The following DPP10 variants were observed in gnomAD, a reference collection of about 807,000 sequenced individuals.
DPP10 encodes the protein inactive dipeptidyl peptidase 10.
A neutral mutation model predicts 120.9 loss-of-function variants in DPP10; 33 were observed. The ratio of observed to expected loss-of-function variants is 0.27; its 90% CI spans 0.21 to 0.37. The LOEUF (loss-of-function observed/expected upper bound fraction) is 0.37. Ranked by LOEUF, DPP10 falls within the 10% of genes least tolerant of loss-of-function variation. The pLI, the probability that DPP10 is intolerant of heterozygous loss-of-function variation, is 1.00. For synonymous variants in DPP10, 337 were observed against 326.1 expected, an observed-to-expected ratio of 1.03 and a Z score of -0.36; for missense variants, 816 against 942.8, an observed-to-expected ratio of 0.87 and a Z score of 1.76.
In DPP10 at chr2:115,209,403, CACAA is replaced by C. The variant is rs551870679; in HGVS notation, c.61-99832_61-99829del. On this transcript the variant is annotated intron_variant, in intron 1 of 25. Coordinates refer to ENST00000410059, the MANE Select transcript of DPP10 (RefSeq NM_020868.6). ...TGGACATTTTTAATATATGTACACT[CACAA>C]ACATATATATGCACAAACATACATA... 1.2e-3 allele frequency among the ~76,000 whole-genome samples: 190 copies of C among 152,182 alleles called. 1 individual carries two copies. The highest frequency in any genetic ancestry group is 4.4e-3 in the African/African-American group (181 of 41,534).
chr2:115,755,196 A>G (rs1416252056), intron 11 of DPP10, among the ~76,000 whole-genome samples: 1 of 152,114 alleles, frequency 6.6e-6, no homozygotes, highest in African/African-American at 2.4e-5. Context: ...TTTATACAAT[A>G]ACAAAGTTAT....
intron 4 of DPP10, among the ~76,000 whole-genome samples, chr2:115,508,642 C>T (rs909253143): frequency 2.0e-5 from 3 of 152,288 alleles, no homozygotes; most frequent in Admixed American, 6.5e-5. Flanking sequence ...CAATGGCTCA[C>T]GCCTGTAATC....
At chr2:115,801,904 AGT>A (rs1480736220) in intron 19 of DPP10, among the ~76,000 whole-genome samples, 1 of 151,790 alleles carries the variant, frequency 6.6e-6, no homozygotes, top group Non-Finnish European at 1.5e-5. Flanking sequence ...CTTTTTTTGT[AGT>A]GTCTCTGCTC....
At chr2:115,802,409 GT>G (rs997632148) in intron 19 of DPP10, among the ~76,000 whole-genome samples, 4 of 152,028 alleles carry the variant, frequency 2.6e-5, no homozygotes, top group African/African-American at 7.2e-5. Flanking sequence ...TTTTTGAAGG[GT>G]TTTTTGTGTC....
intron 2 of DPP10, among the ~76,000 whole-genome samples, chr2:115,336,861 TGTGA>T (rs2063171855): frequency 6.6e-6 from 1 of 151,928 alleles, no homozygotes; most frequent in Non-Finnish European, 1.5e-5. Context: ...CGTTGTTCAG[TGTGA>T]GTGATTGAGA....
At chr2:114,904,609 C>T (rs1459394829) in intron 1 of DPP10, among the ~76,000 whole-genome samples, 3 of 152,096 alleles carry the variant, frequency 2.0e-5, no homozygotes, top group Non-Finnish European at 4.4e-5. Flanking sequence ...GAGGACAACA[C>T]CAATGGTGTG....
intron 24 of DPP10, among the ~76,000 whole-genome samples, chr2:115,837,917 G>A (rs1689701968): frequency 6.6e-6 from 1 of 151,798 alleles, no homozygotes; most frequent in Admixed American, 6.6e-5. Context: ...TATAATGTGG[G>A]ATTCTGAATG....
At chr2:114,812,993 T>G (rs1268198030) in intron 1 of DPP10, among the ~76,000 whole-genome samples, 1 of 152,234 alleles carries the variant, frequency 6.6e-6, no homozygotes, top group Non-Finnish European at 1.5e-5. Context: ...ATTACGTACA[T>G]GCATCACGTA....
rs751696392 is a variant in DPP10, at chr2:115,499,480, T to C, written c.272-30T>C. The C allele has an allele frequency of 3.9e-6, 6 of 1,555,720 alleles. No homozygotes were observed. The South Asian group carries it at 5.7e-5, about 15-fold the overall frequency. ...TACTATATTATCTAGTCAATGTATTTGTCAATTGTGAATGTCTTTGTTGTT... is the reference window on the plus strand; with the variant it reads ...TACTATATTATCTAGTCAATGTATTCGTCAATTGTGAATGTCTTTGTTGTT... On this transcript the variant is annotated intron_variant, in intron 3 of 25. Coordinates refer to ENST00000410059, the MANE Select transcript of DPP10 (RefSeq NM_020868.6).
chr2:115,154,054 G>A (rs925849878), intron 1 of DPP10, among the ~76,000 whole-genome samples: 4 of 152,148 alleles, frequency 2.6e-5, no homozygotes, highest in Non-Finnish European at 5.9e-5. Flanking sequence ...ACTATCTTCT[G>A]AGATTGAGCA....
At chr2:114,937,171 A>C (rs1011556729) in intron 1 of DPP10, among the ~76,000 whole-genome samples, 33 of 152,138 alleles carry the variant, frequency 2.2e-4, no homozygotes, top group African/African-American at 7.7e-4. Context: ...TGCCTAAGCC[A>C]ATGTCTAGAA....
In DPP10 at chr2:114,625,396, T is replaced by C. The variant is rs975446821; in HGVS notation, c.60+182558T>C. ...ACTTCACAGGCTTTGCTGTGTATGT[T>C]TATCAGGAGGCACACTATGTTATTT... On this transcript the variant is annotated intron_variant, in intron 1 of 25. Transcript: ENST00000410059. Among the ~76,000 whole-genome samples the C allele has an allele frequency of 7.9e-5, 12 of 151,858 alleles. No homozygotes were observed. In the East Asian group the frequency reaches 2.3e-3, roughly 29 times the overall value.
At chr2:114,970,118 G>A (rs1021033794) in intron 1 of DPP10, among the ~76,000 whole-genome samples, 65 of 152,182 alleles carry the variant, frequency 4.3e-4, no homozygotes, top group African/African-American at 1.5e-3. Context: ...CTTGGACAGC[G>A]ATCAAGGCAG....
At chr2:115,805,574 C>CTTTT (rs1559178533) in intron 19 of DPP10, among the ~76,000 whole-genome samples, 39 of 145,988 alleles carry the variant, frequency 2.7e-4, no homozygotes, top group African/African-American at 9.8e-4. Flanking sequence ...TCTTGGCTCC[C>CTTTT]ATTTTTTTTT....
intron 1 of DPP10, among the ~76,000 whole-genome samples, chr2:115,101,733 TC>T (rs1377149374): frequency 6.6e-6 from 1 of 152,222 alleles, no homozygotes; most frequent in Non-Finnish European, 1.5e-5. Flanking sequence ...ATAACTGGAC[TC>T]CTAAAAACAT....
At chr2:114,517,263 G>A (rs1684667648) in intron 1 of DPP10, among the ~76,000 whole-genome samples, 2 of 152,196 alleles carry the variant, frequency 1.3e-5, no homozygotes, top group South Asian at 4.1e-4. Context: ...GCTCATGCCT[G>A]TAATCCCAAC....
chr2:115,032,192 G>GT (rs71883245), intron 1 of DPP10, among the ~76,000 whole-genome samples: 63,627 of 150,410 alleles, frequency 0.42, 13,427 homozygotes, highest in East Asian at 0.49. Flanking sequence ...AACTCTAGAA[G>GT]TTTTTTTTTT....
At chr2:115,305,399 A>C (rs1199705625) in intron 1 of DPP10, among the ~76,000 whole-genome samples, 1 of 152,064 alleles carries the variant, frequency 6.6e-6, no homozygotes, top group African/African-American at 2.4e-5. Flanking sequence ...CTAAGCACCT[A>C]TTAAGAGAAC....
chr2:114,900,247 T>C (rs892283330), intron 1 of DPP10, among the ~76,000 whole-genome samples: 1 of 152,218 alleles, frequency 6.6e-6, no homozygotes, highest in Non-Finnish European at 1.5e-5. Context: ...GAATAATAAT[T>C]CTTGTACGTG....
Sources: gnomAD v4.1 joint callset for allele counts (sites outside exome capture counted in the v4.1 genomes callset) on GRCh38, gnomAD v4.1.1 for gene constraint, MANE v1.5 for transcripts, NCBI Gene and HGNC (gene_info 2026-07-23, HGNC 2026-07-21) for gene names.